CLCN3: variants seen among roughly 807,000 people sequenced by gnomAD.
The protein encoded by CLCN3 is Cl-/H+ antiporter 3, also known as H(+)/Cl(-) exchange transporter 3.
CLCN3 carries 16 observed loss-of-function variants against 83.4 expected under a neutral mutation model. The observed-to-expected ratio is 0.19, with a 90% confidence interval of 0.13 to 0.29. CLCN3 has a LOEUF of 0.29. CLCN3 is among the 10% of genes least tolerant of loss of function. CLCN3 has a pLI of 1.00. For missense variants in CLCN3, 544 were observed against 1,006.0 expected (o/e 0.54, Z 6.21); for synonymous variants, 322 against 346.2 (o/e 0.93, Z 0.78).
At chr4:169,661,983 A>C (rs1323891604) in intron 2 of CLCN3, among the ~76,000 whole-genome samples, 1 of 152,160 alleles carries the variant, frequency 6.6e-6, no homozygotes, top group African/African-American at 2.4e-5. Flanking sequence ...TGCTATTACA[A>C]CATTTGGTTG....
chr4:169,701,044 CTGTAGCA>C (rs112669211), intron 9 of CLCN3, among the ~76,000 whole-genome samples: 13,929 of 152,104 alleles, frequency 0.092, 649 homozygotes, highest in African/African-American at 0.12. Context: ...AAAGATTTCT[CTGTAGCA>C]TGTGATGCTG....
Position 169,706,945 on chromosome 4 carries a change from C to T in CLCN3, c.1828C>T (p.Leu610Phe). ...TGGAGGCTTGGAATATATTGTTCCC[C>T]TTATGGCTGCAGTCATGACCAGTAA... ...LTGGLEYIVP[L>F]MAAVMTSKWV... is the part of the protein sequence containing the mutation. Residue 610 changes from leucine (L) to phenylalanine (F), a missense_variant, in exon 11 of 13, where the codon CTT becomes TTT. Leu to Phe is a conservative substitution (Grantham distance 22, BLOSUM62 0). Transcript: ENST00000513761. The T allele has an allele frequency of 1.2e-6, 2 of 1,614,090 alleles. No individual in the cohort carries two copies. Among genetic ancestry groups the T allele is most frequent in the Non-Finnish European group, 8.5e-7 (1 of 1,179,982 alleles).
At chr4:169,667,527 G>A (rs1274734944) in intron 2 of CLCN3, among the ~76,000 whole-genome samples, 1 of 152,064 alleles carries the variant, frequency 6.6e-6, no homozygotes, top group Non-Finnish European at 1.5e-5. Context: ...CAAGAAAGTT[G>A]CAAGCCAGTT....
At chr4:169,652,614 G>A (rs769012490) in intron 2 of CLCN3, among the ~76,000 whole-genome samples, 3 of 152,192 alleles carry the variant, frequency 2.0e-5, no homozygotes, top group Non-Finnish European at 4.4e-5. Context: ...GCATGTACTT[G>A]TGTGGTACTT....
At chr4:169,622,233 A>G (rs1773128591) in intron 1 of CLCN3, among the ~76,000 whole-genome samples, 1 of 152,262 alleles carries the variant, frequency 6.6e-6, no homozygotes, top group South Asian at 2.1e-4. Context: ...GTTATCAGTC[A>G]TACATAGCTC....
chr4:169,672,444 A>T (rs1223032219), intron 2 of CLCN3, among the ~76,000 whole-genome samples: 1 of 150,770 alleles, frequency 6.6e-6, no homozygotes, highest in Admixed American at 6.6e-5. Context: ...CCAGCCTTTG[A>T]TATATTATTA....
At chr4:169,689,283 T>C in intron 5 of CLCN3, 53 bp downstream of exon 5, 2 of 1,467,512 alleles carry the variant, frequency 1.4e-6, no homozygotes, top group Non-Finnish European at 1.9e-6. Context: ...GCAAAATGTT[T>C]CCAATTCATT....
chr4:169,653,230 GTA>G (rs767412495), intron 2 of CLCN3, among the ~76,000 whole-genome samples: 89 of 152,088 alleles, frequency 5.9e-4, no homozygotes, highest in Non-Finnish European at 1.1e-3. Context: ...CATCTGATTT[GTA>G]TATGTGTGTG....
At chr4:169,660,294 G>A (rs1387564518) in intron 2 of CLCN3, 1 of 1,318,252 alleles carries the variant, frequency 7.6e-7, no homozygotes, top group Non-Finnish European at 9.6e-7. Context: ...AGCAGGGATG[G>A]AAGAAATGTC....
At chr4:169,701,761 C>T (rs1365585374) in intron 9 of CLCN3, among the ~76,000 whole-genome samples, 1 of 152,124 alleles carries the variant, frequency 6.6e-6, no homozygotes, top group Non-Finnish European at 1.5e-5. Flanking sequence ...TGAAAGAGGG[C>T]CAAGTGGGCA....
intron 2 of CLCN3, among the ~76,000 whole-genome samples, chr4:169,653,185 G>T (rs1730775432): frequency 6.6e-6 from 1 of 151,992 alleles, no homozygotes; most frequent in African/African-American, 2.4e-5. Flanking sequence ...ATATTATTTT[G>T]TAAGAGCTTT....
intron 2 of CLCN3, among the ~76,000 whole-genome samples, chr4:169,667,597 C>A (rs954972063): frequency 6.6e-6 from 1 of 151,844 alleles, no homozygotes; most frequent in Non-Finnish European, 1.5e-5. Context: ...ATTGGTAATA[C>A]CTGAACTATG....
At chr4:169,662,262 T>G (rs1052848265) in intron 2 of CLCN3, among the ~76,000 whole-genome samples, 38 of 152,202 alleles carry the variant, frequency 2.5e-4, no homozygotes, top group African/African-American at 8.4e-4. Flanking sequence ...TCAAATAGGT[T>G]CTTTATCCCT....
At chr4:169,658,739 T>C (rs1157010127) in intron 2 of CLCN3, among the ~76,000 whole-genome samples, 1 of 151,976 alleles carries the variant, frequency 6.6e-6, no homozygotes, top group Non-Finnish European at 1.5e-5. Flanking sequence ...AAAAATCACC[T>C]ACTATCCTAT....
At chr4:169,665,381 T>C (rs998515781) in intron 2 of CLCN3, among the ~76,000 whole-genome samples, 2 of 152,252 alleles carry the variant, frequency 1.3e-5, no homozygotes, top group Non-Finnish European at 1.5e-5. Flanking sequence ...ACTGAATGGC[T>C]GAACAAATTT....
chr4:169,650,088 AAG>A (rs1324514618), intron 2 of CLCN3, among the ~76,000 whole-genome samples: 1 of 152,038 alleles, frequency 6.6e-6, no homozygotes, highest in Non-Finnish European at 1.5e-5. Flanking sequence ...GACCCTATCT[AAG>A]AGAAAAAAAA....
At chr4:169,622,784 TG>T (rs1773140470) in intron 1 of CLCN3, among the ~76,000 whole-genome samples, 1 of 152,152 alleles carries the variant, frequency 6.6e-6, no homozygotes, top group Non-Finnish European at 1.5e-5. Context: ...TCCTGCTCTC[TG>T]CTGCACCATA....
At chr4:169,623,819 A>C (rs1773165354) in intron 1 of CLCN3, among the ~76,000 whole-genome samples, 1 of 152,000 alleles carries the variant, frequency 6.6e-6, no homozygotes, top group Non-Finnish European at 1.5e-5. Flanking sequence ...CTCCGGGTTA[A>C]TCTACGTTTT....
chr4:169,700,890 G>T (rs544782769), intron 9 of CLCN3, among the ~76,000 whole-genome samples: 104 of 152,290 alleles, frequency 6.8e-4, no homozygotes, highest in Middle Eastern at 3.4e-3. Context: ...ATAGTAATCT[G>T]AGTCTTCAGT....
Sources: allele counts gnomAD v4.1 joint callset (sites outside exome capture counted in the v4.1 genomes callset), GRCh38; gene constraint gnomAD v4.1.1; transcripts MANE v1.5; gene names NCBI Gene and HGNC (gene_info 2026-07-23, HGNC 2026-07-21).